PDZD2: variants seen among roughly 807,000 people sequenced by gnomAD.
PDZD2 encodes the protein PDZ domain containing 2, also known as PDZ domain-containing protein 2.
PDZD2 carries 90 observed loss-of-function variants against 220.7 expected under a neutral mutation model. The observed-to-expected ratio is 0.41, with a 90% CI of 0.34 to 0.49. PDZD2 has a LOEUF of 0.49. Among genes scored for constraint, PDZD2 ranks in the 20% least tolerant of loss-of-function variants. The pLI is 0.28. For missense variants in PDZD2, 3,174 were observed against 3,608.5 expected (o/e 0.88, Z 3.08); for synonymous variants, 1,375 against 1,450.5 (o/e 0.95, Z 1.18).
At chr5:31,869,295 G>A (rs918408333) in intron 2 of PDZD2, among the ~76,000 whole-genome samples, 8 of 152,116 alleles carry the variant, frequency 5.3e-5, no homozygotes, top group Admixed American at 5.2e-4. Context: ...CTCACCGCTT[G>A]GGCTTCCTCT....
rs549776342 is a variant in PDZD2, at chr5:31,960,192, TCTTTCCTTC to T, written c.477-22950_477-22942del. On this transcript the variant is annotated intron_variant, in intron 2 of 24. Transcript: ENST00000438447. ...TTTCTTTTCTTTCCTTCCTTCCTTT[TCTTTCCTTC>T]CTTTCCTTCCTTCTTTCCTTCCTTC... Among the ~76,000 whole-genome samples, 81 of 150,556 alleles carry T rather than the reference TCTTTCCTTC, an allele frequency of 5.4e-4. 1 individual carries two copies. The highest frequency in any genetic ancestry group is 2.3e-3 in the South Asian group (11 of 4,818).
chr5:31,697,912 CAT>C (rs1491146279), intron 1 of PDZD2, among the ~76,000 whole-genome samples: 4 of 100,876 alleles, frequency 4.0e-5, no homozygotes, highest in African/African-American at 1.7e-4. Flanking sequence ...CATTTTTTAT[CAT>C]TTTTTTTTAG....
At chr5:31,729,396 C>T (rs1479448196) in intron 1 of PDZD2, among the ~76,000 whole-genome samples, 4 of 152,110 alleles carry the variant, frequency 2.6e-5, no homozygotes, top group East Asian at 1.9e-4. Context: ...CGTGCCCGGC[C>T]GAGAGATAGA....
intron 2 of PDZD2, among the ~76,000 whole-genome samples, chr5:31,876,332 G>A (rs56392031): frequency 0.47 from 69,551 of 148,696 alleles, 16,382 homozygotes; most frequent in South Asian, 0.55. Context: ...TCACTCTATT[G>A]CCCAGGCTGG....
At chr5:32,004,351 C>G (rs774357731) in intron 5 of PDZD2, among the ~76,000 whole-genome samples, 1 of 152,108 alleles carries the variant, frequency 6.6e-6, no homozygotes, top group Admixed American at 6.5e-5. Flanking sequence ...ATTTGGGAGG[C>G]TAAGGAGGAG....
chr5:32,037,845 A>ATTTTT (rs11387630), intron 7 of PDZD2, among the ~76,000 whole-genome samples: 1 of 146,552 alleles, frequency 6.8e-6, no homozygotes. Context: ...TATGAAAGGC[A>ATTTTT]TTTTTTTTTT....
At chr5:31,905,422 C>A (rs1034897952) in intron 2 of PDZD2, among the ~76,000 whole-genome samples, 2 of 152,204 alleles carry the variant, frequency 1.3e-5, no homozygotes, top group Non-Finnish European at 1.5e-5. Flanking sequence ...TCTCTACCTG[C>A]AACCTGAGGA....
At chr5:31,672,920 G>C (rs1484571842) in intron 1 of PDZD2, among the ~76,000 whole-genome samples, 2 of 152,230 alleles carry the variant, frequency 1.3e-5, no homozygotes, top group African/African-American at 2.4e-5. Context: ...ACACTTTGTA[G>C]ACTTCTAGAA....
chr5:31,811,884 G>A (rs1755134153), intron 2 of PDZD2, among the ~76,000 whole-genome samples: 1 of 151,980 alleles, frequency 6.6e-6, no homozygotes, highest in Non-Finnish European at 1.5e-5. Context: ...CAGCTACTTG[G>A]GAGGCTGAGG....
Position 32,074,381 on chromosome 5 carries a change from G to A in PDZD2, c.3275G>A (p.Arg1092His), listed in dbSNP as rs755711661. ...GCACCCAAATTGGAATACACAGTCC[G>A]TACAGACACCCAGAGTCCGACGAAC... ...SSAPKLEYTV[R>H]TDTQSPTNTG... Residue 1092 changes from arginine to histidine, a missense_variant, in exon 18 of 25, where the codon CGT becomes CAT. Transcript: ENST00000438447. The A allele has an allele frequency of 1.7e-5, 28 of 1,614,078 alleles. No individual in the cohort carries two copies. Among genetic ancestry groups the A allele is most frequent in the East Asian group, 6.7e-5 (3 of 44,886 alleles).
intron 1 of PDZD2, among the ~76,000 whole-genome samples, chr5:31,677,615 TAAAAAAAAAAAAAAAA>T (rs772919181): frequency 1.1e-4 from 14 of 127,958 alleles, no homozygotes; most frequent in Admixed American, 1.6e-4. Flanking sequence ...GACTCCGTCT[TAAAAAAAAAAAAAAAA>T]AAAAAAAAAA....
At chr5:32,031,560 C>A (rs1755120789) in intron 6 of PDZD2, among the ~76,000 whole-genome samples, 2 of 152,148 alleles carry the variant, frequency 1.3e-5, no homozygotes. Context: ...GTCTTTGGAT[C>A]TCCATTGGTT....
chr5:32,084,805 T>C (rs772779756), intron 19 of PDZD2, among the ~76,000 whole-genome samples: 15 of 152,122 alleles, frequency 9.9e-5, no homozygotes, highest in Non-Finnish European at 2.2e-4. Context: ...TGCAGGGCCT[T>C]ATGAACAGGC....
intron 2 of PDZD2, among the ~76,000 whole-genome samples, chr5:31,826,051 C>A (rs1411466386): frequency 6.6e-6 from 1 of 151,966 alleles, no homozygotes; most frequent in African/African-American, 2.4e-5. Context: ...AGAAAAACAA[C>A]AAATGTAGCA....
At chr5:32,038,260 G>A (rs1445803840) in intron 7 of PDZD2, among the ~76,000 whole-genome samples, 1 of 60,586 alleles carries the variant, frequency 1.7e-5, no homozygotes, top group Non-Finnish European at 3.2e-5. Flanking sequence ...GCCGGGCGCG[G>A]TGGCTCACAC....
At chr5:31,770,329 C>G (rs1752263603) in intron 1 of PDZD2, among the ~76,000 whole-genome samples, 1 of 152,174 alleles carries the variant, frequency 6.6e-6, no homozygotes, top group African/African-American at 2.4e-5. Flanking sequence ...TACTGCCAGA[C>G]AACGGGAACT....
intron 2 of PDZD2, among the ~76,000 whole-genome samples, chr5:31,966,980 G>A (rs1182993148): frequency 6.6e-6 from 1 of 152,224 alleles, no homozygotes; most frequent in Non-Finnish European, 1.5e-5. Flanking sequence ...AGAACATGTT[G>A]ATGGGGATAG....
intron 6 of PDZD2, among the ~76,000 whole-genome samples, chr5:32,020,997 G>C (rs193240036): frequency 6.6e-6 from 1 of 151,692 alleles, no homozygotes; most frequent in African/African-American, 2.4e-5. Context: ...TGGGCATTGG[G>C]TGCCGGGGGG....
At chr5:31,681,196 G>T (rs1181459669) in intron 1 of PDZD2, among the ~76,000 whole-genome samples, 3 of 152,044 alleles carry the variant, frequency 2.0e-5, no homozygotes, top group Non-Finnish European at 4.4e-5. Context: ...AACATTAAAG[G>T]CTTATGACTG....
Sources: gnomAD v4.1 joint callset for allele counts (sites outside exome capture counted in the v4.1 genomes callset) on GRCh38, gnomAD v4.1.1 for gene constraint, MANE v1.5 for transcripts, NCBI Gene and HGNC (gene_info 2026-07-23, HGNC 2026-07-21) for gene names.